The following RRAGA variants were observed in gnomAD, a reference collection of about 807,000 sequenced individuals.
RRAGA encodes ras-related GTP-binding protein A.
RRAGA carries 11 observed loss-of-function variants against 20.5 expected under a neutral mutation model. The ratio of observed to expected loss-of-function variants is 0.54; its 90% CI spans 0.34 to 0.89. RRAGA has a LOEUF of 0.89. RRAGA is among the 40% of genes least tolerant of loss of function. RRAGA has a pLI of 0.02. For synonymous variants in RRAGA, 184 were observed against 155.4 expected, an observed-to-expected ratio of 1.18 and a Z score of -1.37; for missense variants, 214 against 400.7, an observed-to-expected ratio of 0.53 and a Z score of 3.98.
chr9:19,050,469 G>C lies in RRAGA; in HGVS notation c.810G>C (p.Thr270=). 2 of 1,614,062 alleles carry C rather than the reference G, an allele frequency of 1.2e-6. No individual in the cohort carries two copies. Among genetic ancestry groups the C allele is most frequent in the African/African-American group, 1.3e-5 (1 of 75,002 alleles). The part of the protein sequence containing the change: ...AAFIDIFTSN[T]YVMVVMSDPS... ...TCATCGACATCTTCACCTCAAATAC[G>C]TACGTGATGGTGGTCATGTCAGATC... The change falls in exon 1 of 1, where the codon ACG becomes ACC. Residue 270 remains threonine, a synonymous_variant. Transcript: ENST00000380527.
rs781098929 is a variant in RRAGA, at chr9:19,049,833, G to A, written c.174G>A (p.Leu58=). Residue 58 remains leucine (L), a synonymous_variant, in exon 1 of 1, where the codon CTG becomes CTA. Transcript: ENST00000380527. The surrounding 1 kb of genome is among the most constrained non-coding windows in gnomAD (Gnocchi z 5.4). ...TCCGATTCCTAGGGAACCTGGTGCT[G>A]AACCTGTGGGACTGTGGCGGTCAGG... ...SHVRFLGNLV[L]NLWDCGGQDT... The A allele has an allele frequency of 1.2e-6, 2 of 1,614,184 alleles. No homozygotes were observed. The highest frequency in any genetic ancestry group is 2.2e-5 in the South Asian group (2 of 91,082).
Position 19,049,440 on chromosome 9 carries a change from C to A in RRAGA, c.-220C>A. The stretch of plus-strand genomic sequence containing the variant: ...CGGAAAGCGAGCGTATCTCCCGAGC[C>A]GTTGCCACTGACAGCCGCGGGCGCT... On this transcript the variant is annotated 5_prime_UTR_variant, in exon 1 of 1. Coordinates refer to ENST00000380527, the MANE Select transcript of RRAGA (RefSeq NM_006570.5). The surrounding 1 kb of genome is among the most constrained non-coding windows in gnomAD (Gnocchi z 5.4). 2.2e-6 allele frequency: 1 copy of A among 447,804 alleles called. No individual in the cohort carries two copies. The highest frequency in any genetic ancestry group is 3.9e-6 in the Non-Finnish European group (1 of 254,734). The allele number at this position is 447,804 out of a possible 1,614,324, so 27.7% of individuals were successfully genotyped here.
Position 19,050,593 on chromosome 9 carries a change from A to G in RRAGA, c.934A>G (p.Met312Val). ...GGATGGCCCCAAGCACAGTCTCCTTATGCGTTGAATATTGCCAAATGCTCT... is the reference window on the plus strand; with the variant it reads ...GGATGGCCCCAAGCACAGTCTCCTTGTGCGTTGAATATTGCCAAATGCTCT... The part of the protein sequence containing the change: ...RVDGPKHSLL[M>V]R Residue 312 changes from methionine to valine, a missense_variant, in exon 1 of 1, where the codon ATG becomes GTG. Coordinates refer to ENST00000380527, the MANE Select transcript of RRAGA (RefSeq NM_006570.5). The G allele has an allele frequency of 1.2e-6, 2 of 1,611,706 alleles. No homozygotes were observed. The highest frequency in any genetic ancestry group is 1.1e-5 in the South Asian group (1 of 90,996).
Position 19,050,446 on chromosome 9 carries a change from A to G in RRAGA, c.787A>G (p.Ile263Val). ...EVRNSNFAAF[I>V]DIFTSNTYVM... ...TAGGAATTCCAACTTCGCTGCTTTCATCGACATCTTCACCTCAAATACGTA... is the reference window on the plus strand; with the variant it reads ...TAGGAATTCCAACTTCGCTGCTTTCGTCGACATCTTCACCTCAAATACGTA... The change falls in exon 1 of 1, where the codon ATC becomes GTC. Residue 263 changes from isoleucine (I) to valine (V), a missense_variant. By Grantham distance (29) the Ile-to-Val change is conservative. Transcript: ENST00000380527. 2 of 1,614,170 alleles carry G rather than the reference A, an allele frequency of 1.2e-6. No homozygotes were observed. Among genetic ancestry groups the G allele is most frequent in the Non-Finnish European group, 1.7e-6 (2 of 1,180,040 alleles).
chr9:19,050,561 A>T lies in RRAGA; in HGVS notation c.902A>T (p.Glu301Val). The T allele has an allele frequency of 6.2e-7, 1 of 1,614,232 alleles. No individual in the cohort carries two copies. Among genetic ancestry groups the T allele is most frequent in the East Asian group, 2.2e-5 (1 of 44,894 alleles). ...RNARKHFEKL[E>V]RVDGPKHSLL... is the part of the protein sequence containing the mutation. ...GCCCGGAAACACTTTGAGAAGCTGG[A>T]GAGAGTGGATGGCCCCAAGCACAGT... is the stretch of plus-strand genomic sequence containing the variant. Residue 301 changes from glutamate to valine, a missense_variant, in exon 1 of 1, where the codon GAG becomes GTG. This residue lies in a region of RRAGA where 68 missense variants were observed against 83.9 expected (regional missense o/e 0.81). Transcript: ENST00000380527.
In RRAGA at chr9:19,050,253, T is replaced by G. The variant is rs773616909; in HGVS notation, c.594T>G (p.Ile198Met). Residue 198 changes from isoleucine to methionine, a missense_variant, in exon 1 of 1, where the codon ATT (isoleucine) becomes ATG (methionine). Physicochemically the swap from Ile to Met is conservative, Grantham distance 10. Around this residue, in one of 4 missense-constraint regions of RRAGA, gnomAD observed 88 missense variants for 169.9 expected, o/e 0.52. Transcript: ENST00000380527. Reference sequence around the variant, plus strand: ...ACCTCAGGAATTTTGCCCAAATCATTGAGGCCGATGAAGTTCTGCTGTTCG... The same window carrying G: ...ACCTCAGGAATTTTGCCCAAATCATGGAGGCCGATGAAGTTCTGCTGTTCG... ...EMNLRNFAQIIEADEVLLFER... is the reference protein window; with the variant it reads ...EMNLRNFAQIMEADEVLLFER... 3 of 1,614,100 alleles carry G rather than the reference T, an allele frequency of 1.9e-6. No homozygotes were observed. Among genetic ancestry groups the G allele is most frequent in the South Asian group, 2.2e-5 (2 of 91,078 alleles).
Position 19,050,148 on chromosome 9 carries a change from C to T in RRAGA, c.489C>T (p.Ser163=). The change falls in exon 1 of 1, where the codon TCC becomes TCT. Residue 163 remains serine, a synonymous_variant. Transcript: ENST00000380527. ...TGGAGTGTGCTTGTTTTCGAACGTC[C>T]ATCTGGGATGAGACGCTCTACAAAG... ...RPLECACFRT[S]IWDETLYKAW... 6.2e-7 allele frequency: 1 copy of T among 1,614,058 alleles called. No homozygotes were observed. Among genetic ancestry groups the T allele is most frequent in the Non-Finnish European group, 8.5e-7 (1 of 1,180,004 alleles).
Position 19,050,184 on chromosome 9 carries a change from C to T in RRAGA, c.525C>T (p.Ser175=), listed in dbSNP as rs1333577090. ...AGACGCTCTACAAAGCCTGGTCCAG[C>T]ATCGTCTACCAGCTGATTCCCAACG... ...WDETLYKAWS[S]IVYQLIPNVQ... The change falls in exon 1 of 1, where the codon AGC becomes AGT. Residue 175 remains serine, a synonymous_variant. Transcript: ENST00000380527. 2 of 1,613,972 alleles carry T rather than the reference C, an allele frequency of 1.2e-6. No homozygotes were observed. The highest frequency in any genetic ancestry group is 2.2e-5 in the East Asian group (1 of 44,898).
At position 19,050,879 on chromosome 9, in the gene RRAGA, T is replaced by C. The variant is rs570009118; in HGVS notation, c.*278T>C. On this transcript the variant is annotated 3_prime_UTR_variant, in exon 1 of 1. Coordinates refer to ENST00000380527, the MANE Select transcript of RRAGA (RefSeq NM_006570.5). ...TCTCATTACCTGGTTATGATAGATA[T>C]GCACATCAAAGCCTTTACCAGTATC... 4 of 391,678 alleles carry C rather than the reference T, an allele frequency of 1.0e-5. No homozygotes were observed. Among genetic ancestry groups the C allele is most frequent in the African/African-American group, 2.0e-5 (1 of 49,736 alleles). The allele number at this position is 391,678 out of a possible 1,614,324, so 24.3% of individuals were successfully genotyped here.
chr9:19,049,647 G>T lies in RRAGA; in HGVS notation c.-13G>T, dbSNP rs758573049. 3.1e-6 allele frequency: 5 copies of T among 1,599,312 alleles called. No homozygotes were observed. The South Asian group carries it at 5.6e-5, about 18-fold the overall frequency. ...CGCGCCCTCAGGCCCAGTCCGCGGTGCCCCGGCGGGTGATGCCAAATACAG... is the reference window on the plus strand; with the variant it reads ...CGCGCCCTCAGGCCCAGTCCGCGGTTCCCCGGCGGGTGATGCCAAATACAG... On this transcript the variant is annotated 5_prime_UTR_variant, in exon 1 of 1. Transcript: ENST00000380527. This position sits in a 1 kb window ranked among gnomAD's most constrained non-coding sequence, Gnocchi z 5.4.
Position 19,050,765 on chromosome 9 carries a change from CTATT to C in RRAGA, c.*167_*170del, listed in dbSNP as rs1299735058. The C allele has an allele frequency of 2.9e-6, 2 of 698,156 alleles. No individual in the cohort carries two copies. The highest frequency in any genetic ancestry group is 1.9e-5 in the South Asian group (1 of 51,380). The allele number at this position is 698,156 out of a possible 1,614,324, so 43.2% of individuals were successfully genotyped here. A position where few individuals can be genotyped will look rare whatever the true frequency, so the allele number is the denominator to read the frequency against. ...TTCCCCAGTCTTTAAACATTGGACG[CTATT>C]TACTCAGCTACCCAGTAGAGCTTGA... On this transcript the variant is annotated 3_prime_UTR_variant, in exon 1 of 1. Transcript: ENST00000380527.
chr9:19,050,312 A>G lies in RRAGA; in HGVS notation c.653A>G (p.Gln218Arg). The change falls in exon 1 of 1, where the codon CAG becomes CGG. Residue 218 changes from glutamine to arginine, a missense_variant. By Grantham distance (43) the Gln-to-Arg change is conservative. Coordinates refer to ENST00000380527, the MANE Select transcript of RRAGA (RefSeq NM_006570.5). ...ACATTCTTGGTTATTTCCCACTACC[A>G]GTGCAAAGAGCAGCGCGACGTCCAC... ...RATFLVISHY[Q>R]CKEQRDVHRF... 6.2e-7 allele frequency: 1 copy of G among 1,614,200 alleles called. No individual in the cohort carries two copies. The highest frequency in any genetic ancestry group is 8.5e-7 in the Non-Finnish European group (1 of 1,180,038).
At position 19,049,752 on chromosome 9, in the gene RRAGA, C is replaced by A. The variant is rs761167250; in HGVS notation, c.93C>A (p.Tyr31Ter). Residue 31 changes from tyrosine (Y) to a stop codon, truncating the protein, a stop_gained, in exon 1 of 1, where the codon TAC becomes TAA. Transcript: ENST00000380527. LOFTEE classifies it high-confidence loss of function. This position sits in a 1 kb window ranked among gnomAD's most constrained non-coding sequence, Gnocchi z 5.4. ...TSMRSIIFAN[Y>*]IARDTRRLGA... is the part of the protein sequence containing the mutation. ...TGAGGTCGATAATCTTCGCCAATTACATTGCTCGCGACACCCGGCGCCTGG... is the reference window on the plus strand; with the variant it reads ...TGAGGTCGATAATCTTCGCCAATTAAATTGCTCGCGACACCCGGCGCCTGG... 1.9e-6 allele frequency: 3 copies of A among 1,614,130 alleles called. No individual in the cohort carries two copies. Among genetic ancestry groups the A allele is most frequent in the Non-Finnish European group, 2.5e-6 (3 of 1,180,016 alleles).
In RRAGA at chr9:19,049,642, G is replaced by A. The variant is rs778934764; in HGVS notation, c.-18G>A. On this transcript the variant is annotated 5_prime_UTR_variant, in exon 1 of 1. Transcript: ENST00000380527. The surrounding 1 kb of genome is among the most constrained non-coding windows in gnomAD (Gnocchi z 5.4). ...TAGGCCGCGCCCTCAGGCCCAGTCC[G>A]CGGTGCCCCGGCGGGTGATGCCAAA... 1.9e-6 allele frequency: 3 copies of A among 1,593,576 alleles called. No homozygotes were observed. Among genetic ancestry groups the A allele is most frequent in the Non-Finnish European group, 2.6e-6 (3 of 1,167,978 alleles).
Position 19,050,318 on chromosome 9 carries a change from A to G in RRAGA, c.659A>G (p.Lys220Arg), listed in dbSNP as rs765156739. ...TTGGTTATTTCCCACTACCAGTGCA[A>G]AGAGCAGCGCGACGTCCACCGGTTT... The part of the protein sequence containing the change: ...TFLVISHYQC[K>R]EQRDVHRFEK... Residue 220 changes from lysine to arginine, a missense_variant, in exon 1 of 1, where the codon AAA becomes AGA. Physicochemically the swap from Lys to Arg is conservative, Grantham distance 26. Around this residue, in one of 4 missense-constraint regions of RRAGA, gnomAD observed 88 missense variants for 169.9 expected, o/e 0.52. Transcript: ENST00000380527. 3.7e-6 allele frequency: 6 copies of G among 1,614,088 alleles called. No homozygotes were observed. The South Asian group carries it at 6.6e-5, about 18-fold the overall frequency.
rs1418255440 is a variant in RRAGA, at chr9:19,049,563, A to T, written c.-97A>T. ...CCCAGCTGCGCGGCGGAGCGGAGCG[A>T]GGCGCGGCCTGCGAGTCCCCGGCAG... On this transcript the variant is annotated 5_prime_UTR_variant, in exon 1 of 1. Coordinates refer to ENST00000380527, the MANE Select transcript of RRAGA (RefSeq NM_006570.5). The surrounding 1 kb of genome is among the most constrained non-coding windows in gnomAD (Gnocchi z 5.4). The T allele has an allele frequency of 2.3e-6, 2 of 887,704 alleles. No homozygotes were observed. The highest frequency in any genetic ancestry group is 3.4e-5 in the African/African-American group (2 of 58,268). 55.0% of individuals were successfully genotyped at this position (887,704 alleles called of 1,614,324 possible).
In RRAGA at chr9:19,050,976, A is replaced by C. The variant is rs1338377857; in HGVS notation, c.*375A>C. ...ATCAGCAAGGTATTAAAATGCATTT[A>C]TAAATTCTTCTTGGCTTCATTCATG... On this transcript the variant is annotated 3_prime_UTR_variant, in exon 1 of 1. Coordinates refer to ENST00000380527, the MANE Select transcript of RRAGA (RefSeq NM_006570.5). The C allele has an allele frequency of 5.3e-6, 1 of 186,968 alleles. No homozygotes were observed. Among genetic ancestry groups the C allele is most frequent in the Non-Finnish European group, 1.3e-5 (1 of 79,532 alleles). 11.6% of individuals were successfully genotyped at this position (186,968 alleles called of 1,614,324 possible).
rs140401379 is a variant in RRAGA at position 19,050,121 on chromosome 9, G to T, written c.462G>T (p.Pro154=). ...AAGACCTGAGGCGTCTGTCTCGCCC[G>T]CTGGAGTGTGCTTGTTTTCGAACGT... The part of the protein sequence containing the change: ...REEDLRRLSR[P]LECACFRTSI... The change falls in exon 1 of 1, where the codon CCG becomes CCT. Residue 154 remains proline (P), a synonymous_variant. Coordinates refer to ENST00000380527, the MANE Select transcript of RRAGA (RefSeq NM_006570.5). 3 of 1,613,906 alleles carry T rather than the reference G, an allele frequency of 1.9e-6. No individual in the cohort carries two copies. The highest frequency in any genetic ancestry group is 2.2e-5 in the South Asian group (2 of 91,078).
chr9:19,050,756 C>T lies in RRAGA; in HGVS notation c.*155C>T. On this transcript the variant is annotated 3_prime_UTR_variant, in exon 1 of 1. Transcript: ENST00000380527. ...TCTCCCCGCTTCCCCAGTCTTTAAA[C>T]ATTGGACGCTATTTACTCAGCTACC... The T allele has an allele frequency of 1.4e-6, 1 of 732,782 alleles. No individual in the cohort carries two copies. Among genetic ancestry groups the T allele is most frequent in the South Asian group, 1.9e-5 (1 of 52,480 alleles). The allele number at this position is 732,782 out of a possible 1,614,324, so 45.4% of individuals were successfully genotyped here.
Sources: gnomAD v4.1 joint callset for allele counts on GRCh38, gnomAD v4.1.1 for gene constraint, gnomAD v4.1.1 regional missense constraint, Gnocchi (gnomAD v3.1) non-coding constraint, MANE v1.5 for transcripts, NCBI Gene and HGNC (gene_info 2026-07-23, HGNC 2026-07-21) for gene names.